The following GRIP1 variants were observed in gnomAD, a reference collection of about 807,000 sequenced individuals.
GRIP1 encodes glutamate receptor-interacting protein 1.
GRIP1 carries 45 observed loss-of-function variants against 129.9 expected under a neutral mutation model. That is an observed-to-expected ratio of 0.35 (90% CI 0.27 to 0.44). The LOEUF (loss-of-function observed/expected upper bound fraction) is 0.44. GRIP1 is among the 20% of genes least tolerant of loss of function. The pLI is 1.00. For synonymous variants in GRIP1, 530 were observed against 520.8 expected, an observed-to-expected ratio of 1.02 and a Z score of -0.24; for missense variants, 1,196 against 1,396.8, an observed-to-expected ratio of 0.86 and a Z score of 2.29.
intron 1 of GRIP1, among the ~76,000 whole-genome samples, chr12:66,825,795 A>G (rs1206092666): frequency 2.0e-5 from 3 of 152,218 alleles, no homozygotes; most frequent in Admixed American, 1.3e-4. Flanking sequence ...TAAAATGCTG[A>G]ATGCATCCTA....
intron 4 of GRIP1, among the ~76,000 whole-genome samples, chr12:66,530,189 G>T (rs186247358): frequency 2.6e-5 from 4 of 152,098 alleles, no homozygotes; most frequent in African/African-American, 7.2e-5. Context: ...GATAAGAGGG[G>T]GATATTTACA....
In GRIP1 at chr12:66,444,565, T is replaced by C. The variant is rs1287774813; in HGVS notation, c.1687+19A>G. 6.3e-7 allele frequency: 1 copy of C among 1,584,272 alleles called. No homozygotes were observed. Among genetic ancestry groups the C allele is most frequent in the East Asian group, 2.2e-5 (1 of 44,626 alleles). On this transcript the variant is annotated intron_variant, in intron 13 of 24. Coordinates refer to ENST00000359742, the MANE Select transcript of GRIP1 (RefSeq NM_001366722.1). ...ATATAACTCACATGCAGTCCACTCC[T>C]GAGATGATATGATTATACCTGCAAC...
intron 19 of GRIP1, among the ~76,000 whole-genome samples, chr12:66,386,697 C>A (rs930950978): frequency 1.6e-4 from 24 of 152,314 alleles, no homozygotes; most frequent in African/African-American, 5.8e-4. Flanking sequence ...GGGACTGTAG[C>A]TCTTGCCATT....
rs543432329 is a variant in GRIP1, at chr12:66,365,301, G to A, written c.3012+6393C>T. Among the ~76,000 whole-genome samples the A allele has an allele frequency of 2.6e-5, 4 of 152,192 alleles. No individual in the cohort carries two copies. In the South Asian group the frequency reaches 6.2e-4, roughly 24 times the overall value. Reference sequence around the variant, plus strand: ...AAATACAAAAAATTACCCGGGCATGGTGGTGTGTACCTGTAATCCCAGCTA... The same window carrying A: ...AAATACAAAAAATTACCCGGGCATGATGGTGTGTACCTGTAATCCCAGCTA... On this transcript the variant is annotated intron_variant, in intron 23 of 24. Coordinates refer to ENST00000359742, the MANE Select transcript of GRIP1 (RefSeq NM_001366722.1).
chr12:66,389,808 T>C (rs2056510378), intron 19 of GRIP1, among the ~76,000 whole-genome samples: 1 of 152,186 alleles, frequency 6.6e-6, no homozygotes, highest in African/African-American at 2.4e-5. Flanking sequence ...ATGTTACACT[T>C]TAACGGGTAC....
intron 1 of GRIP1, among the ~76,000 whole-genome samples, chr12:67,038,576 C>T (rs1246242826): frequency 2.6e-5 from 4 of 152,160 alleles, no homozygotes; most frequent in Non-Finnish European, 5.9e-5. Flanking sequence ...GTTAGTGCCT[C>T]TCAGAGCCCC....
At chr12:66,744,191 A>G (rs2036874682) in intron 1 of GRIP1, among the ~76,000 whole-genome samples, 1 of 152,228 alleles carries the variant, frequency 6.6e-6, no homozygotes, top group Non-Finnish European at 1.5e-5. Flanking sequence ...AAATGAAAGT[A>G]ATAAAACATT....
intron 7 of GRIP1, among the ~76,000 whole-genome samples, chr12:66,480,856 C>T (rs765280969): frequency 1.3e-5 from 2 of 152,134 alleles, no homozygotes; most frequent in East Asian, 1.9e-4. Context: ...ACTGGCTAGC[C>T]ATACACAGAA....
chr12:66,892,927 A>G (rs1001042343), intron 1 of GRIP1, among the ~76,000 whole-genome samples: 2 of 152,188 alleles, frequency 1.3e-5, no homozygotes, highest in African/African-American at 4.8e-5. Flanking sequence ...AATAGCACCA[A>G]TGCAGTCCAG....
chr12:66,882,641 C>T (rs577494743), intron 1 of GRIP1, among the ~76,000 whole-genome samples: 36 of 152,284 alleles, frequency 2.4e-4, no homozygotes, highest in African/African-American at 7.5e-4. Flanking sequence ...GTATTATCTG[C>T]GAGTACTACC....
chr12:66,513,417 G>A (rs1402513301), intron 7 of GRIP1, among the ~76,000 whole-genome samples: 1 of 151,998 alleles, frequency 6.6e-6, no homozygotes, highest in Non-Finnish European at 1.5e-5. Flanking sequence ...ACATTTGGGA[G>A]AAATGACATA....
intron 1 of GRIP1, among the ~76,000 whole-genome samples, chr12:66,909,955 GTTT>G (rs547065226): frequency 1.3e-5 from 2 of 151,950 alleles, no homozygotes; most frequent in East Asian, 3.9e-4. Context: ...CACAACTTAA[GTTT>G]TTTTTATCTC....
At chr12:66,496,189 T>G (rs979214048) in intron 7 of GRIP1, among the ~76,000 whole-genome samples, 2 of 152,150 alleles carry the variant, frequency 1.3e-5, no homozygotes, top group African/African-American at 4.8e-5. Flanking sequence ...AAATATATGA[T>G]GTTTATCTGA....
intron 2 of GRIP1, among the ~76,000 whole-genome samples, chr12:66,566,590 T>C (rs538432554): frequency 6.6e-6 from 1 of 152,254 alleles, no homozygotes; most frequent in Non-Finnish European, 1.5e-5. Flanking sequence ...TTTTTTGTTG[T>C]TGTTGTGTCC....
At chr12:67,003,482 A>C (rs921549886) in intron 1 of GRIP1, among the ~76,000 whole-genome samples, 1 of 152,126 alleles carries the variant, frequency 6.6e-6, no homozygotes, top group Non-Finnish European at 1.5e-5. Flanking sequence ...GCCTGAGCTC[A>C]GGAGTTCAAG....
chr12:66,781,080 A>C (rs1021258228), intron 1 of GRIP1, among the ~76,000 whole-genome samples: 14 of 152,206 alleles, frequency 9.2e-5, no homozygotes, highest in Non-Finnish European at 1.2e-4. Flanking sequence ...GTTACCCAGC[A>C]GGTAACGGCG....
chr12:66,452,403 C>G (rs887784967), intron 11 of GRIP1, among the ~76,000 whole-genome samples: 2 of 152,224 alleles, frequency 1.3e-5, no homozygotes, highest in East Asian at 3.8e-4. Flanking sequence ...CTCTATGAAA[C>G]AAACATGACA....
At chr12:66,371,613 C>T in intron 23 of GRIP1, 81 bp downstream of exon 23, 1 of 883,248 alleles carries the variant, frequency 1.1e-6, no homozygotes, top group East Asian at 2.4e-5. Context: ...GATACCATTG[C>T]CATGCTTACA....
intron 1 of GRIP1, among the ~76,000 whole-genome samples, chr12:66,810,260 TA>T (rs1259074691): frequency 6.6e-6 from 1 of 152,160 alleles, no homozygotes; most frequent in African/African-American, 2.4e-5. Flanking sequence ...GATTTTCATT[TA>T]TAAGAGTTTT....
Sources: allele counts gnomAD v4.1 joint callset (sites outside exome capture counted in the v4.1 genomes callset), GRCh38; gene constraint gnomAD v4.1.1; transcripts MANE v1.5; gene names NCBI Gene and HGNC (gene_info 2026-07-23, HGNC 2026-07-21).